Variants in RIPOR2 observed in about 807,000 individuals in gnomAD.
RIPOR2 encodes RHO family interacting cell polarization regulator 2.
RIPOR2 carries 39 observed loss-of-function variants against 114.5 expected under a neutral mutation model. The ratio of observed to expected loss-of-function variants is 0.34; its 90% confidence interval spans 0.26 to 0.44. RIPOR2 has a LOEUF of 0.44. Among genes scored for constraint, RIPOR2 ranks in the 20% least tolerant of loss-of-function variants. RIPOR2 has a pLI of 1.00. For synonymous variants in RIPOR2, 445 were observed against 484.4 expected (o/e 0.92, Z 1.07); for missense variants, 1,007 against 1,255.1 (o/e 0.80, Z 2.99).
chr6:25,002,398 G>C (rs183103201), intron 1 of RIPOR2, among the ~76,000 whole-genome samples: 295 of 152,200 alleles, frequency 1.9e-3, no homozygotes, highest in Middle Eastern at 0.01. Context: ...TTATCCAAAT[G>C]GTATGTATTT....
intron 8 of RIPOR2, 128 bp from the exon 9 acceptor site, chr6:24,852,746 G>A (rs1763088140): frequency 3.2e-6 from 2 of 621,552 alleles, no homozygotes; most frequent in South Asian, 2.8e-5. Flanking sequence ...ACACTTTTTG[G>A]GGCCATTCCT....
At chr6:24,917,103 T>G (rs1770135250) in intron 1 of RIPOR2, among the ~76,000 whole-genome samples, 1 of 152,104 alleles carries the variant, frequency 6.6e-6, no homozygotes, top group Non-Finnish European at 1.5e-5. Flanking sequence ...TCTGCAATAA[T>G]ATAATCTAGG....
intron 1 of RIPOR2, among the ~76,000 whole-genome samples, chr6:24,951,260 C>T (rs1561802853): frequency 6.6e-6 from 1 of 152,134 alleles, no homozygotes; most frequent in Non-Finnish European, 1.5e-5. Flanking sequence ...TTACACAGAG[C>T]CTGATTATGG....
chr6:24,998,489 C>A (rs890670415), intron 1 of RIPOR2, among the ~76,000 whole-genome samples: 14 of 152,174 alleles, frequency 9.2e-5, no homozygotes, highest in African/African-American at 3.4e-4. Context: ...ATCAAAAAAT[C>A]TAGCATCCCA....
intron 1 of RIPOR2, among the ~76,000 whole-genome samples, chr6:24,921,086 G>T (rs1307520277): frequency 6.6e-6 from 1 of 152,148 alleles, no homozygotes; most frequent in African/African-American, 2.4e-5. Context: ...ATCTCATAGA[G>T]TAAAAACTCA....
intron 9 of RIPOR2, among the ~76,000 whole-genome samples, chr6:24,851,170 C>G (rs1221021751): frequency 8.5e-5 from 13 of 152,156 alleles, no homozygotes. Flanking sequence ...GCTAGGATTA[C>G]AGACATAAGC....
chr6:25,022,984 T>C (rs1776403066), intron 1 of RIPOR2, among the ~76,000 whole-genome samples: 1 of 148,406 alleles, frequency 6.7e-6, no homozygotes. Context: ...TAGACTCGTT[T>C]TCAGAGCAGT....
At chr6:24,916,077 G>A (rs182130448) in intron 1 of RIPOR2, among the ~76,000 whole-genome samples, 20 of 152,294 alleles carry the variant, frequency 1.3e-4, no homozygotes, top group African/African-American at 3.6e-4. Context: ...ATCAAACGAA[G>A]GGTTTGGACA....
intron 1 of RIPOR2, among the ~76,000 whole-genome samples, chr6:24,966,224 A>T (rs1349561906): frequency 1.3e-5 from 2 of 152,278 alleles, no homozygotes; most frequent in East Asian, 3.9e-4. Context: ...TAACCCCAGA[A>T]GCATCAACCA....
chr6:24,870,820 C>A, intron 5 of RIPOR2, 46 bp downstream of exon 5: 1 of 1,517,930 alleles, frequency 6.6e-7, no homozygotes, highest in South Asian at 1.2e-5. Context: ...AGCAAGGATG[C>A]AGAATTTTTT....
chr6:24,853,319 G>A (rs1014781854), intron 8 of RIPOR2, among the ~76,000 whole-genome samples: 2 of 152,202 alleles, frequency 1.3e-5, no homozygotes, highest in African/African-American at 2.4e-5. Flanking sequence ...TCTCTCTCTG[G>A]TGCAGCAGCA....
Position 24,866,518 on chromosome 6 carries a change from ATTT to A in RIPOR2, c.502-1071_502-1069del, listed in dbSNP as rs59177662. ...AATGCCAGTAGTGCTAGGGTTGAAA[ATTT>A]TTTTTTTTTTTTTTTTGAGATGAGG... is the stretch of plus-strand genomic sequence containing the variant. On this transcript the variant is annotated intron_variant, in intron 6 of 21. Transcript: ENST00000643898. Among the ~76,000 whole-genome samples, 1,271 of 136,726 alleles carry A rather than the reference ATTT, an allele frequency of 9.3e-3. 8 individuals carry two copies. The highest frequency in any genetic ancestry group is 0.027 in the South Asian group (115 of 4,290). The allele number at this position is 136,726 out of a possible 152,430, so 89.7% of individuals were successfully genotyped here.
At chr6:24,831,702 T>C (rs534625279) in intron 16 of RIPOR2, among the ~76,000 whole-genome samples, 4 of 152,348 alleles carry the variant, frequency 2.6e-5, no homozygotes, top group Non-Finnish European at 4.4e-5. Flanking sequence ...ATATCTGATA[T>C]GAAAACAGAC....
intron 1 of RIPOR2, among the ~76,000 whole-genome samples, chr6:24,926,014 A>G (rs1424521257): frequency 6.6e-6 from 1 of 150,870 alleles, no homozygotes; most frequent in Admixed American, 6.6e-5. Context: ...TATTTTTAAA[A>G]CAATGGAATC....
chr6:24,951,014 C>A (rs1038698595), intron 1 of RIPOR2, among the ~76,000 whole-genome samples: 3 of 152,176 alleles, frequency 2.0e-5, no homozygotes, highest in African/African-American at 7.2e-5. Flanking sequence ...TTGCGTGAGG[C>A]CTGATAGAAA....
chr6:24,809,885 G>T, intron 20 of RIPOR2, 78 bp from the exon 21 acceptor site: 1 of 960,116 alleles, frequency 1.0e-6, no homozygotes, highest in Non-Finnish European at 1.6e-6. Flanking sequence ...TTCACAACTG[G>T]TGGGAACTTT....
chr6:24,825,393 C>G lies in RIPOR2; in HGVS notation c.2701G>C (p.Glu901Gln). Residue 901 changes from glutamate (E) to glutamine (Q), a missense_variant, in exon 19 of 22, where the codon GAA (glutamate) becomes CAA (glutamine). Coordinates refer to ENST00000643898, the MANE Select transcript of RIPOR2 (RefSeq NM_001286445.3). ...MVQTLQSLRD[E>Q]KLLQTMSDLA... ...TCACTCATGGTTTGTAGCAGTTTTT[C>G]ATCTCTTAGTGATTGCAGAGTCTGA... is the stretch of plus-strand genomic sequence containing the variant. The G allele has an allele frequency of 4.5e-6, 7 of 1,552,186 alleles. No individual in the cohort carries two copies. Among genetic ancestry groups the G allele is most frequent in the Non-Finnish European group, 6.1e-6 (7 of 1,147,070 alleles).
chr6:25,035,993 G>T (rs1482855008), intron 1 of RIPOR2, among the ~76,000 whole-genome samples: 1 of 152,220 alleles, frequency 6.6e-6, no homozygotes, highest in Non-Finnish European at 1.5e-5. Context: ...TCCTTGTGTA[G>T]AATTGTCAAC....
In RIPOR2 at chr6:24,928,751, A is replaced by T. The variant is rs534236213; in HGVS notation, c.61+7087T>A. Among the ~76,000 whole-genome samples, 86 of 152,334 alleles carry T rather than the reference A, an allele frequency of 5.6e-4. 1 individual carries two copies. The highest frequency in any genetic ancestry group is 1.8e-3 in the African/African-American group (75 of 41,578). On this transcript the variant is annotated intron_variant, in intron 1 of 21. Transcript: ENST00000643898. ...CTTCTCTTTATTTTATTTAGAAATA[A>T]TTGCTGTCTAGGACTAAACTTGTAA...
Sources: gnomAD v4.1 joint callset for allele counts (sites outside exome capture counted in the v4.1 genomes callset) on GRCh38, gnomAD v4.1.1 for gene constraint, MANE v1.5 for transcripts, NCBI Gene and HGNC (gene_info 2026-07-23, HGNC 2026-07-21) for gene names.